Variants in GALNTL6 observed in about 807,000 individuals in gnomAD.
GALNTL6 encodes the protein polypeptide N-acetylgalactosaminyltransferase like 6.
A neutral mutation model predicts 73.7 loss-of-function variants in GALNTL6; 46 were observed. The ratio of observed to expected loss-of-function variants is 0.62; its 90% CI spans 0.49 to 0.80. GALNTL6 has a LOEUF of 0.80. Among genes scored for constraint, GALNTL6 ranks in the 30% least tolerant of loss-of-function variants. The pLI, the probability that GALNTL6 is intolerant of heterozygous loss-of-function variation, is 0.00. For synonymous variants in GALNTL6, 259 were observed against 263.7 expected, an observed-to-expected ratio of 0.98 and a Z score of 0.17; for missense variants, 604 against 755.0, an observed-to-expected ratio of 0.80 and a Z score of 2.34.
At chr4:172,183,593 G>C (rs1735324396) in intron 2 of GALNTL6, among the ~76,000 whole-genome samples, 1 of 152,054 alleles carries the variant, frequency 6.6e-6, no homozygotes, top group Admixed American at 6.6e-5. Context: ...CTTCATTTTG[G>C]CTTCTCTTAT....
chr4:172,304,710 C>T (rs1740064729), intron 3 of GALNTL6, among the ~76,000 whole-genome samples: 1 of 152,096 alleles, frequency 6.6e-6, no homozygotes, highest in African/African-American at 2.4e-5. Context: ...TACTTTATCT[C>T]TCAGTATTCC....
chr4:171,907,171 A>G (rs1215537531), intron 2 of GALNTL6, among the ~76,000 whole-genome samples: 3 of 152,078 alleles, frequency 2.0e-5, no homozygotes, highest in African/African-American at 7.3e-5. Context: ...AAGGAAATAA[A>G]GGGTATTCAA....
At chr4:172,226,546 G>A (rs1350739619) in intron 2 of GALNTL6, among the ~76,000 whole-genome samples, 2 of 149,934 alleles carry the variant, frequency 1.3e-5, no homozygotes, top group African/African-American at 4.9e-5. Flanking sequence ...TTTTTTTAAA[G>A]GAAAGAAGTT....
At chr4:172,036,243 A>G (rs1434442459) in intron 2 of GALNTL6, among the ~76,000 whole-genome samples, 1 of 152,104 alleles carries the variant, frequency 6.6e-6, no homozygotes, top group Non-Finnish European at 1.5e-5. Flanking sequence ...TATTTCTTTA[A>G]CCCAAAGGTT....
rs76856135 is a variant in GALNTL6, at chr4:172,375,986, T to G, written c.553+27297T>G. On this transcript the variant is annotated intron_variant, in intron 5 of 12. Transcript: ENST00000506823. ...TGCCCTTTGTCCTCACTTACATGAA[T>G]AGGAAGGATACAATTTCTGAGGCTA... Among the ~76,000 whole-genome samples, 389 of 152,226 alleles carry G rather than the reference T, an allele frequency of 2.6e-3. 7 individuals carry two copies. Among genetic ancestry groups the G allele is most frequent in the Non-Finnish European group, 9.9e-4 (67 of 68,004 alleles).
At chr4:171,907,548 T>C (rs964359433) in intron 2 of GALNTL6, among the ~76,000 whole-genome samples, 1 of 151,844 alleles carries the variant, frequency 6.6e-6, no homozygotes, top group African/African-American at 2.4e-5. Context: ...AGAATCAATA[T>C]CGTGAAAATG....
At chr4:171,932,852 G>T (rs928826312) in intron 2 of GALNTL6, among the ~76,000 whole-genome samples, 2 of 152,096 alleles carry the variant, frequency 1.3e-5, no homozygotes, top group Non-Finnish European at 2.9e-5. Flanking sequence ...TAATACAATT[G>T]GATCACCAGG....
At chr4:172,121,260 TGTG>T (rs1733143169) in intron 2 of GALNTL6, among the ~76,000 whole-genome samples, 2 of 44,054 alleles carry the variant, frequency 4.5e-5, no homozygotes, top group African/African-American at 1.9e-4. Flanking sequence ...AGAAGCATTG[TGTG>T]TGTGTGTGTG....
intron 9 of GALNTL6, among the ~76,000 whole-genome samples, chr4:172,943,148 T>C (rs1748996913): frequency 6.6e-6 from 1 of 151,854 alleles, no homozygotes; most frequent in African/African-American, 2.4e-5. Flanking sequence ...ATTACAGCTT[T>C]CTCCTTGTTC....
chr4:171,943,131 A>T (rs1738600028), intron 2 of GALNTL6, among the ~76,000 whole-genome samples: 1 of 152,242 alleles, frequency 6.6e-6, no homozygotes, highest in Non-Finnish European at 1.5e-5. Flanking sequence ...CCCATCAAAC[A>T]AACAAAAACA....
intron 5 of GALNTL6, among the ~76,000 whole-genome samples, chr4:172,407,287 A>G (rs1744271239): frequency 6.6e-6 from 1 of 152,082 alleles, no homozygotes; most frequent in South Asian, 2.1e-4. Flanking sequence ...AACTAAGTGA[A>G]TGGCAGTAGG....
intron 2 of GALNTL6, among the ~76,000 whole-genome samples, chr4:171,944,820 A>C (rs1560852791): frequency 2.6e-5 from 4 of 152,028 alleles, no homozygotes. Flanking sequence ...ACTTAAAAAA[A>C]AAATCTCACC....
chr4:172,965,936 T>C (rs1052322359), intron 10 of GALNTL6, among the ~76,000 whole-genome samples: 2 of 152,214 alleles, frequency 1.3e-5, no homozygotes, highest in Non-Finnish European at 2.9e-5. Flanking sequence ...TCAATTCATC[T>C]TAGTATTTAA....
chr4:172,637,364 A>G (rs1739747071), intron 5 of GALNTL6, among the ~76,000 whole-genome samples: 1 of 152,206 alleles, frequency 6.6e-6, no homozygotes, highest in Non-Finnish European at 1.5e-5. Context: ...TGCTTTAGAC[A>G]GGAATAGAAA....
Position 172,889,934 on chromosome 4 carries a change from C to T in GALNTL6, c.1041+7027C>T, listed in dbSNP as rs1403908748. On this transcript the variant is annotated intron_variant, in intron 8 of 12. Coordinates refer to ENST00000506823, the MANE Select transcript of GALNTL6 (RefSeq NM_001034845.3). ...TCATTACTGATTAAATATCAGAACTCGATATTCGTCTATTCAGTATCTCAA... is the reference window on the plus strand; with the variant it reads ...TCATTACTGATTAAATATCAGAACTTGATATTCGTCTATTCAGTATCTCAA... 3.3e-5 allele frequency among the ~76,000 whole-genome samples: 5 copies of T among 152,006 alleles called. No homozygotes were observed. The East Asian group carries it at 7.7e-4, about 23-fold the overall frequency.
intron 2 of GALNTL6, among the ~76,000 whole-genome samples, chr4:172,149,126 T>G (rs1032182569): frequency 9.2e-5 from 14 of 152,216 alleles, no homozygotes; most frequent in Non-Finnish European, 4.4e-5. Flanking sequence ...CTGCATCAGA[T>G]TCAAATAGAA....
At chr4:172,779,820 T>C (rs1739281225) in intron 5 of GALNTL6, among the ~76,000 whole-genome samples, 1 of 152,208 alleles carries the variant, frequency 6.6e-6, no homozygotes. Context: ...AGCAGTAAAA[T>C]AGTTTGCTGC....
In GALNTL6 at chr4:172,970,954, C is replaced by T. The variant is rs1207496633; in HGVS notation, c.1371+18696C>T. On this transcript the variant is annotated intron_variant, in intron 10 of 12. Coordinates refer to ENST00000506823, the MANE Select transcript of GALNTL6 (RefSeq NM_001034845.3). ...TTATGTTCAGAGATTGCAGTAAAGA[C>T]GGGGTAAGAAATTATGAAAGTATTA... Among the ~76,000 whole-genome samples, 10 of 152,124 alleles carry T rather than the reference C, an allele frequency of 6.6e-5. No homozygotes were observed. In the East Asian group the frequency reaches 7.7e-4, roughly 12 times the overall value.
intron 2 of GALNTL6, among the ~76,000 whole-genome samples, chr4:171,916,358 G>A (rs1202424085): frequency 2.6e-5 from 4 of 152,074 alleles, no homozygotes; most frequent in Non-Finnish European, 5.9e-5. Context: ...TATATGTCAT[G>A]ACATAGTGCA....
Sources: gnomAD v4.1 joint callset for allele counts (sites outside exome capture counted in the v4.1 genomes callset) on GRCh38, gnomAD v4.1.1 for gene constraint, MANE v1.5 for transcripts, NCBI Gene and HGNC (gene_info 2026-07-23, HGNC 2026-07-21) for gene names.